RUBCN: variants seen among roughly 807,000 people sequenced by gnomAD.
The protein encoded by RUBCN is rubicon autophagy regulator.
In RUBCN, 74 loss-of-function variants were observed where a neutral mutation model predicts 113.2. The ratio of observed to expected loss-of-function variants is 0.65; its 90% CI spans 0.54 to 0.79. The LOEUF (loss-of-function observed/expected upper bound fraction) is 0.79. Ranked by LOEUF, RUBCN falls within the 30% of genes least tolerant of loss-of-function variation. RUBCN has a pLI of 0.00. For missense variants in RUBCN, 1,109 were observed against 1,251.7 expected (o/e 0.89, Z 1.72); for synonymous variants, 480 against 490.0 (o/e 0.98, Z 0.27).
chr3:197,708,364 G>T (rs1261697690), intron 2 of RUBCN, among the ~76,000 whole-genome samples: 2 of 151,958 alleles, frequency 1.3e-5, no homozygotes, highest in East Asian at 3.9e-4. Context: ...TCGAACTCCT[G>T]AACTCAGGTG....
exon 1 of RUBCN, chr3:197,749,279 G>A: frequency 1.9e-6 from 2 of 1,059,330 alleles, no homozygotes; most frequent in Non-Finnish European, 2.3e-6. Flanking sequence ...CCCTCCCGAG[G>A]GAAGCTGAGG....
intron 1 of RUBCN, among the ~76,000 whole-genome samples, chr3:197,726,125 G>A (rs1310978417): frequency 2.0e-5 from 3 of 152,150 alleles, no homozygotes; most frequent in Non-Finnish European, 4.4e-5. Context: ...GTATGATGTC[G>A]CTATACCATT....
intron 1 of RUBCN, among the ~76,000 whole-genome samples, chr3:197,726,632 T>A (rs1414209576): frequency 6.7e-6 from 1 of 148,812 alleles, no homozygotes; most frequent in Non-Finnish European, 1.5e-5. Context: ...CTCTGCCTCC[T>A]GGGTTCAAGC....
chr3:197,676,892 C>G lies in RUBCN; in HGVS notation c.2639G>C (p.Arg880Thr). ...LTRAGATHVE[R>T]CMLCQAKGFI... ...ACAGTGAGACTTTCTCACCATGCATCTCTCCACATGGGTAGCCCCTGCCCT... is the reference window on the plus strand; with the variant it reads ...ACAGTGAGACTTTCTCACCATGCATGTCTCCACATGGGTAGCCCCTGCCCT... Residue 880 changes from arginine to threonine, a missense_variant, in exon 18 of 20, where the codon AGA (arginine) becomes ACA (threonine). Coordinates refer to ENST00000296343, the MANE Select transcript of RUBCN (RefSeq NM_014687.4). The G allele has an allele frequency of 6.2e-7, 1 of 1,614,232 alleles. No homozygotes were observed. The highest frequency in any genetic ancestry group is 8.5e-7 in the Non-Finnish European group (1 of 1,180,042).
Position 197,681,725 on chromosome 3 carries a change from C to G in RUBCN, c.2191+110G>C. ...ACGAACCTTTCTTTCTCCTTCCCTA[C>G]TTCTGCCACGCCACCTCCTGCTACC... On this transcript the variant is annotated intron_variant, in intron 15 of 19. Transcript: ENST00000296343. The surrounding 1 kb of genome is among the most constrained non-coding windows in gnomAD (Gnocchi z 5.5). The G allele has an allele frequency of 1.0e-6, 1 of 954,460 alleles. No individual in the cohort carries two copies. The highest frequency in any genetic ancestry group is 1.7e-6 in the Non-Finnish European group (1 of 585,678). 59.1% of individuals were successfully genotyped at this position (954,460 alleles called of 1,614,324 possible). A position where few individuals can be genotyped will look rare whatever the true frequency, so the allele number is the denominator to read the frequency against.
At position 197,683,404 on chromosome 3, in the gene RUBCN, G is replaced by A. The variant is rs1470899866; in HGVS notation, c.1883C>T (p.Ala628Val). ...HCFLHSTSAEAVAMGLLKQFE... is the reference protein window; with the variant it reads ...HCFLHSTSAEVVAMGLLKQFE... ...CTGCTTCAGGAGCCCCATGGCCACC[G>A]CCTCAGCAGACGTGGAGTGCAGGAA... Residue 628 changes from alanine to valine, a missense_variant, in exon 13 of 20, where the codon GCG (alanine) becomes GTG (valine). Ala to Val is a moderately conservative substitution (Grantham distance 64). Around this residue, in one of 3 missense-constraint regions of RUBCN, gnomAD observed 67 missense variants for 123.2 expected, o/e 0.54. Coordinates refer to ENST00000296343, the MANE Select transcript of RUBCN (RefSeq NM_014687.4). The surrounding 1 kb of genome is among the most constrained non-coding windows in gnomAD (Gnocchi z 4.6). 4 of 1,614,116 alleles carry A rather than the reference G, an allele frequency of 2.5e-6. No homozygotes were observed. The highest frequency in any genetic ancestry group is 1.7e-5 in the Admixed American group (1 of 60,020).
chr3:197,706,598 C>A (rs1312686947), intron 2 of RUBCN, among the ~76,000 whole-genome samples: 1 of 151,902 alleles, frequency 6.6e-6, no homozygotes, highest in Non-Finnish European at 1.5e-5. Flanking sequence ...GTGGGAGGAT[C>A]ACAAGAGCCC....
Position 197,669,043 on chromosome 3 carries a change from A to G in RUBCN, c.*5975T>C, listed in dbSNP as rs1450449363. On this transcript the variant is annotated 3_prime_UTR_variant, in exon 20 of 20. Coordinates refer to ENST00000296343, the MANE Select transcript of RUBCN (RefSeq NM_014687.4). ...TTTTGCATAACTGTAATTATGATGT[A>G]CATATGCTTTTTATATAGGTAAACT... Among the ~76,000 whole-genome samples the G allele has an allele frequency of 2.6e-5, 4 of 152,212 alleles. No homozygotes were observed. The highest frequency in any genetic ancestry group is 9.7e-5 in the African/African-American group (4 of 41,450).
chr3:197,742,962 C>T (rs553872403), intron 1 of RUBCN, among the ~76,000 whole-genome samples: 60 of 152,372 alleles, frequency 3.9e-4, no homozygotes, highest in African/African-American at 1.3e-3. Context: ...GTGGTCAAGA[C>T]TCCTGCCTTC....
rs776058139 is a variant in RUBCN at position 197,675,036 on chromosome 3, G to A, written c.2901C>T (p.Ala967=). ...EPAEALALEA[A]VLEAT is the part of the protein sequence containing the mutation. ...GCTTTCTTCAGGTGGCCTCCAGGACGGCGGCTTCCAGGGCCAGCGCTTCCG... is the reference window on the plus strand; with the variant it reads ...GCTTTCTTCAGGTGGCCTCCAGGACAGCGGCTTCCAGGGCCAGCGCTTCCG... Residue 967 remains alanine, a synonymous_variant, in exon 20 of 20, where the codon GCC becomes GCT. Coordinates refer to ENST00000296343, the MANE Select transcript of RUBCN (RefSeq NM_014687.4). This position sits in a 1 kb window ranked among gnomAD's most constrained non-coding sequence, Gnocchi z 4.4. 20 of 1,612,464 alleles carry A rather than the reference G, an allele frequency of 1.2e-5. No homozygotes were observed. Among genetic ancestry groups the A allele is most frequent in the Middle Eastern group, 1.7e-4 (1 of 5,806 alleles).
rs753963256 is a variant in RUBCN, at chr3:197,681,137, G to C, written c.2422C>G (p.Gln808Glu). 2 of 1,611,602 alleles carry C rather than the reference G, an allele frequency of 1.2e-6. No individual in the cohort carries two copies. The highest frequency in any genetic ancestry group is 1.1e-5 in the South Asian group (1 of 91,014). ...CTTTTCCAAGGTCTTACCCGGACTT[G>C]ATTGAGCAGCTTGACCTTCCTATAG... ...ALYRKVKLLN[Q>E]VRLLRVQLCH... is the part of the protein sequence containing the mutation. The change falls in exon 16 of 20, where the codon CAA (glutamine) becomes GAA (glutamate). Residue 808 changes from glutamine (Q) to glutamate (E), a missense_variant. Gln to Glu is a conservative substitution (Grantham distance 29). Coordinates refer to ENST00000296343, the MANE Select transcript of RUBCN (RefSeq NM_014687.4). The surrounding 1 kb of genome is among the most constrained non-coding windows in gnomAD (Gnocchi z 5.5).
At chr3:197,734,663 A>G (rs982379625) in intron 1 of RUBCN, among the ~76,000 whole-genome samples, 4 of 152,244 alleles carry the variant, frequency 2.6e-5, no homozygotes, top group African/African-American at 7.2e-5. Context: ...TGTTACATAC[A>G]TTAAAAAAAT....
intron 11 of RUBCN, among the ~76,000 whole-genome samples, chr3:197,690,850 C>G (rs1273386118): frequency 2.6e-5 from 4 of 152,222 alleles, no homozygotes; most frequent in Non-Finnish European, 4.4e-5. Flanking sequence ...CAAGGACAAA[C>G]TTGTGAGGAA....
upstream of RUBCN, among the ~76,000 whole-genome samples, chr3:197,741,895 G>A (rs114521717): frequency 4.2e-3 from 644 of 151,992 alleles, 8 homozygotes; most frequent in African/African-American, 0.015. Flanking sequence ...GGATAAAAAT[G>A]TGTGCTTTTT....
intron 1 of RUBCN, among the ~76,000 whole-genome samples, chr3:197,742,061 A>C (rs902339642): frequency 2.6e-5 from 4 of 151,696 alleles, no homozygotes; most frequent in Non-Finnish European, 4.4e-5. Flanking sequence ...CCGCCTGGCT[A>C]ATTTTTTGTA....
At chr3:197,733,089 A>G (rs1251737395) in intron 1 of RUBCN, among the ~76,000 whole-genome samples, 1 of 152,220 alleles carries the variant, frequency 6.6e-6, no homozygotes, top group Admixed American at 6.5e-5. Context: ...CTAGGATTCA[A>G]ATGCAGGTCT....
At chr3:197,729,095 G>A (rs145479705) in intron 1 of RUBCN, among the ~76,000 whole-genome samples, 225 of 149,722 alleles carry the variant, frequency 1.5e-3, no homozygotes, top group Non-Finnish European at 2.4e-3. Context: ...GCAGTGAGCC[G>A]AGATTGTGCT....
At chr3:197,746,560 TA>T (rs2109026741) in intron 1 of RUBCN, among the ~76,000 whole-genome samples, 1 of 152,356 alleles carries the variant, frequency 6.6e-6, no homozygotes, top group South Asian at 2.1e-4. Context: ...TTCTCTGTTG[TA>T]AATATATCCT....
chr3:197,675,987 G>A lies in RUBCN; in HGVS notation c.2647-472C>T, dbSNP rs1181434364. Among the ~76,000 whole-genome samples, 1 of 152,162 alleles carries A rather than the reference G, an allele frequency of 6.6e-6. No individual in the cohort carries two copies. Among genetic ancestry groups the A allele is most frequent in the Non-Finnish European group, 1.5e-5 (1 of 68,030 alleles). Reference sequence around the variant, plus strand: ...CCTACCTGTGCCCAGCTCGAATTATGGGACGGTCACAGGAACATAAACTGG... The same window carrying A: ...CCTACCTGTGCCCAGCTCGAATTATAGGACGGTCACAGGAACATAAACTGG... On this transcript the variant is annotated intron_variant, in intron 18 of 19. Coordinates refer to ENST00000296343, the MANE Select transcript of RUBCN (RefSeq NM_014687.4). The surrounding 1 kb of genome is among the most constrained non-coding windows in gnomAD (Gnocchi z 4.4).
Sources: gnomAD v4.1 joint callset for allele counts (sites outside exome capture counted in the v4.1 genomes callset) on GRCh38, gnomAD v4.1.1 for gene constraint, gnomAD v4.1.1 regional missense constraint, Gnocchi (gnomAD v3.1) non-coding constraint, MANE v1.5 for transcripts, NCBI Gene and HGNC (gene_info 2026-07-23, HGNC 2026-07-21) for gene names.